Variants in GRIK2 observed in about 807,000 individuals in gnomAD.
GRIK2 encodes glutamate ionotropic receptor kainate type subunit 2, also known as glutamate receptor ionotropic, kainate 2.
In GRIK2, 32 loss-of-function variants were observed where a neutral mutation model predicts 100.3. The ratio of observed to expected loss-of-function variants is 0.32; its 90% confidence interval spans 0.24 to 0.43. GRIK2 has a LOEUF of 0.43. GRIK2 is among the 20% of genes least tolerant of loss of function. GRIK2 has a pLI of 1.00. For missense variants in GRIK2, 843 were observed against 1,114.9 expected (o/e 0.76, Z 3.47); for synonymous variants, 417 against 389.4 (o/e 1.07, Z -0.83).
chr6:101,551,249 TG>T (rs1238344115), intron 2 of GRIK2, among the ~76,000 whole-genome samples: 1 of 152,194 alleles, frequency 6.6e-6, no homozygotes, highest in Non-Finnish European at 1.5e-5. Context: ...AGTTCTCATT[TG>T]GGAGAGCTTC....
chr6:101,910,947 T>G, intron 12 of GRIK2, among the ~76,000 whole-genome samples: 1 of 151,392 alleles, frequency 6.6e-6, no homozygotes, highest in African/African-American at 2.4e-5. Flanking sequence ...TAAGATAATT[T>G]TTGTTTTACC....
chr6:101,663,274 T>C (rs905058853), intron 4 of GRIK2, among the ~76,000 whole-genome samples: 23 of 151,940 alleles, frequency 1.5e-4, no homozygotes, highest in Admixed American at 1.2e-3. Flanking sequence ...TGAGCACAAG[T>C]GGGGATTAAA....
intron 7 of GRIK2, among the ~76,000 whole-genome samples, chr6:101,721,471 A>T (rs1225199000): frequency 1.3e-5 from 2 of 151,852 alleles, no homozygotes. Context: ...AGATGGGAGG[A>T]TCACCTGAGC....
intron 7 of GRIK2, among the ~76,000 whole-genome samples, chr6:101,695,668 T>C (rs915524964): frequency 2.6e-5 from 4 of 152,076 alleles, no homozygotes; most frequent in African/African-American, 7.2e-5. Flanking sequence ...CTCTTTGACT[T>C]ATGACAGGAT....
chr6:101,473,720 G>C (rs887798291), intron 2 of GRIK2, among the ~76,000 whole-genome samples: 6 of 151,666 alleles, frequency 4.0e-5, no homozygotes, highest in Admixed American at 2.0e-4. Context: ...TATTTTCAAC[G>C]TACTGGGTGC....
At chr6:101,760,726 T>TTATATTTAA (rs1777589031) in intron 7 of GRIK2, among the ~76,000 whole-genome samples, 6 of 77,050 alleles carry the variant, frequency 7.8e-5, no homozygotes, top group African/African-American at 1.7e-4. Flanking sequence ...TTATATTTAA[T>TTATATTTAA]TATATAATTA....
At chr6:101,890,048 A>G in intron 12 of GRIK2, 185 bp downstream of exon 12, 1 of 583,608 alleles carries the variant, frequency 1.7e-6, no homozygotes, top group South Asian at 2.2e-5. Context: ...TTGTGGGCAG[A>G]GAGCATGCTG....
chr6:101,621,877 A>G, intron 2 of GRIK2, 72 bp from the exon 3 acceptor site: 3 of 1,041,766 alleles, frequency 2.9e-6, no homozygotes, highest in Admixed American at 2.0e-5. Context: ...AAAACTTCTG[A>G]TATTTTCTTT....
chr6:101,869,349 T>A (rs1785244158), intron 11 of GRIK2, among the ~76,000 whole-genome samples: 1 of 151,956 alleles, frequency 6.6e-6, no homozygotes, highest in South Asian at 2.1e-4. Context: ...ATTGAAAATG[T>A]ATTGGTATGC....
intron 7 of GRIK2, among the ~76,000 whole-genome samples, chr6:101,746,043 C>T (rs1776401727): frequency 6.6e-6 from 1 of 152,138 alleles, no homozygotes; most frequent in Non-Finnish European, 1.5e-5. Context: ...TCCTTATTGA[C>T]CCAAAGTAAC....
At chr6:102,006,368 TTATA>T (rs3029070) in intron 14 of GRIK2, among the ~76,000 whole-genome samples, 6 of 125,820 alleles carry the variant, frequency 4.8e-5, no homozygotes, top group East Asian at 2.4e-4. Flanking sequence ...GATAAACCTT[TTATA>T]TATATATATA....
chr6:101,753,179 A>G (rs377713989), intron 7 of GRIK2, among the ~76,000 whole-genome samples: 23 of 149,886 alleles, frequency 1.5e-4, no homozygotes, highest in African/African-American at 5.4e-4. Context: ...CTACTTGGAG[A>G]GGCTGAGGCA....
chr6:101,724,116 C>G (rs1203808132), intron 7 of GRIK2, among the ~76,000 whole-genome samples: 7 of 151,650 alleles, frequency 4.6e-5, no homozygotes, highest in Non-Finnish European at 8.8e-5. Flanking sequence ...CCCTCTTTCA[C>G]TTTTCAAAAT....
intron 2 of GRIK2, among the ~76,000 whole-genome samples, chr6:101,468,318 C>G (rs1771766785): frequency 6.6e-6 from 1 of 152,110 alleles, no homozygotes; most frequent in Non-Finnish European, 1.5e-5. Context: ...ACTTTTCATT[C>G]TTTCACTAAT....
chr6:101,806,069 T>C (rs745820767), intron 9 of GRIK2, among the ~76,000 whole-genome samples: 6 of 152,006 alleles, frequency 3.9e-5, no homozygotes, highest in Non-Finnish European at 8.8e-5. Flanking sequence ...TCACCGATAC[T>C]GTATACACAG....
chr6:101,482,156 T>C (rs1017411185), intron 2 of GRIK2, among the ~76,000 whole-genome samples: 4 of 152,202 alleles, frequency 2.6e-5, no homozygotes, highest in African/African-American at 7.2e-5. Context: ...TTATACACAC[T>C]AGTGAAGTCA....
chr6:101,934,538 G>A (rs934589642), intron 14 of GRIK2, among the ~76,000 whole-genome samples: 2 of 151,836 alleles, frequency 1.3e-5, no homozygotes, highest in African/African-American at 4.8e-5. Flanking sequence ...GAGAGCTTGA[G>A]TGATTTTGCT....
At chr6:102,005,465 T>G (rs1239105223) in intron 14 of GRIK2, among the ~76,000 whole-genome samples, 4 of 152,170 alleles carry the variant, frequency 2.6e-5, no homozygotes, top group Non-Finnish European at 4.4e-5. Context: ...CTAAGTGTGA[T>G]TCTTGGCCAA....
At chr6:101,956,331 G>T (rs560486756) in intron 14 of GRIK2, among the ~76,000 whole-genome samples, 1 of 152,082 alleles carries the variant, frequency 6.6e-6, no homozygotes, top group African/African-American at 2.4e-5. Context: ...TCTATTTGGA[G>T]AATATTGTTA....
Sources: allele counts gnomAD v4.1 joint callset (sites outside exome capture counted in the v4.1 genomes callset), GRCh38; gene constraint gnomAD v4.1.1; transcripts MANE v1.5; gene names NCBI Gene and HGNC (gene_info 2026-07-23, HGNC 2026-07-21).